Variants in HDX observed in about 807,000 individuals in gnomAD.
HDX encodes the protein highly divergent homeobox, also known as chromosome X open reading frame 43.
A neutral mutation model predicts 45.2 loss-of-function variants in HDX; 19 were observed. That is an observed-to-expected ratio of 0.42 (90% CI 0.29 to 0.62). The LOEUF is 0.62. Ranked by LOEUF, HDX falls within the 20% of genes least tolerant of loss-of-function variation. The pLI is 0.20. For synonymous variants in HDX, 188 were observed against 172.8 expected (o/e 1.09, Z -0.69); for missense variants, 532 against 493.9 (o/e 1.08, Z -0.73).
intron 10 of HDX, among the ~76,000 whole-genome samples, chrX:84,323,785 G>A (rs924211005): frequency 7.1e-5 from 8 of 112,056 alleles, no homozygotes; most frequent in African/African-American, 2.3e-4. Flanking sequence ...AGATACTAAC[G>A]TGAATACGAT....
At chrX:84,344,581 G>A in intron 6 of HDX, 124 bp from the exon 7 acceptor site, 2 of 417,946 alleles carry the variant, frequency 4.8e-6, no homozygotes, top group East Asian at 4.0e-5. Context: ...TACACAGAAA[G>A]GTAAAAACTT....
At chrX:84,366,312 CACT>C (rs1268152850) in intron 5 of HDX, among the ~76,000 whole-genome samples, 1 of 111,360 alleles carries the variant, frequency 9.0e-6, no homozygotes, top group Non-Finnish European at 1.9e-5. Flanking sequence ...AACTACAAAC[CACT>C]GCTCAAGGAA....
chrX:84,449,011 A>G (rs1439754584), intron 4 of HDX, among the ~76,000 whole-genome samples: 1 of 108,496 alleles, frequency 9.2e-6, no homozygotes, highest in African/African-American at 3.3e-5. Flanking sequence ...AAATTCATGG[A>G]ATCAAATAAA....
intron 5 of HDX, among the ~76,000 whole-genome samples, chrX:84,378,644 TACA>T (rs1401229047): frequency 9.0e-6 from 1 of 110,830 alleles, no homozygotes; most frequent in Non-Finnish European, 1.9e-5. Context: ...CAGAAAAGCA[TACA>T]ACAGATACAC....
chrX:84,440,925 T>G (rs2039748224), intron 4 of HDX, among the ~76,000 whole-genome samples: 1 of 110,844 alleles, frequency 9.0e-6, no homozygotes, highest in Non-Finnish European at 1.9e-5. Context: ...AGTGAAGAAG[T>G]TACAAGAAGT....
At chrX:84,477,409 C>T (rs2040578343) in intron 2 of HDX, among the ~76,000 whole-genome samples, 1 of 111,937 alleles carries the variant, frequency 8.9e-6, no homozygotes, top group African/African-American at 3.3e-5. Flanking sequence ...TATCAACCTA[C>T]AAAACACACC....
At chrX:84,336,723 T>G in intron 8 of HDX, 78 bp downstream of exon 8, 46 of 667,900 alleles carry the variant, frequency 6.9e-5, no homozygotes, top group Non-Finnish European at 9.9e-5. Flanking sequence ...ATTCTGAAAA[T>G]GAGAATATTT....
At chrX:84,475,945 G>A (rs1251848387) in intron 2 of HDX, among the ~76,000 whole-genome samples, 2 of 111,791 alleles carry the variant, frequency 1.8e-5, no homozygotes, top group Admixed American at 1.9e-4. Context: ...AAGGTTTAGT[G>A]ACTGTGAACA....
intron 5 of HDX, among the ~76,000 whole-genome samples, chrX:84,402,038 A>G (rs1050330553): frequency 1.8e-5 from 2 of 111,068 alleles, no homozygotes; most frequent in African/African-American, 3.3e-5. Context: ...CACTGGGGCC[A>G]GTCGGAGGGT....
chrX:84,364,645 G>A (rs1281068942), intron 5 of HDX, among the ~76,000 whole-genome samples: 1 of 107,683 alleles, frequency 9.3e-6, no homozygotes, highest in Non-Finnish European at 1.9e-5. Context: ...CAGGACTACA[G>A]GCGCCCGCCT....
At chrX:84,361,093 T>C (rs191917193) in intron 6 of HDX, among the ~76,000 whole-genome samples, 1 of 112,063 alleles carries the variant, frequency 8.9e-6, no homozygotes, top group African/African-American at 3.2e-5. Context: ...ATACCTTTTA[T>C]GTTAATATTG....
intron 5 of HDX, among the ~76,000 whole-genome samples, chrX:84,375,441 C>G (rs2038026841): frequency 9.0e-6 from 1 of 111,591 alleles, no homozygotes; most frequent in African/African-American, 3.3e-5. Flanking sequence ...AAGACACATG[C>G]ACATGTATGT....
chrX:84,489,406 T>C (rs2040853231), intron 1 of HDX, among the ~76,000 whole-genome samples: 1 of 111,828 alleles, frequency 8.9e-6, no homozygotes, highest in South Asian at 3.7e-4. Context: ...GATGAAATAT[T>C]AAATTATTCT....
intron 10 of HDX, 108 bp downstream of exon 10, chrX:84,326,070 G>T: frequency 1.3e-6 from 1 of 743,061 alleles, no homozygotes; most frequent in Non-Finnish European, 2.0e-6. Flanking sequence ...TTTCCTCCAT[G>T]CCAAGCAGAA....
chrX:84,474,089 G>C (rs1355272737), intron 3 of HDX, among the ~76,000 whole-genome samples: 1 of 111,458 alleles, frequency 9.0e-6, no homozygotes, highest in Non-Finnish European at 1.9e-5. Flanking sequence ...TCAGGAGTTC[G>C]AGACCAACCT....
chrX:84,368,953 A>C (rs2037828939), intron 5 of HDX, among the ~76,000 whole-genome samples: 1 of 110,823 alleles, frequency 9.0e-6, no homozygotes, highest in Non-Finnish European at 1.9e-5. Flanking sequence ...GAGTGCCGCC[A>C]CTGATCTGTC....
rs969926270 is a variant in HDX at position 84,469,268 on chromosome X, T to C, written c.455A>G (p.His152Arg). 8.3e-7 allele frequency: 1 copy of C among 1,209,850 alleles called. No homozygotes were observed. The highest frequency in any genetic ancestry group is 1.1e-6 in the Non-Finnish European group (1 of 893,558). The change falls in exon 4 of 11, where the codon CAC becomes CGC. Residue 152 changes from histidine to arginine, a missense_variant. His to Arg is a conservative substitution (Grantham distance 29). Around this residue, in one of 3 missense-constraint regions of HDX, gnomAD observed 376 missense variants for 343.7 expected, o/e 1.09. Transcript: ENST00000373177. ...TGCTACTTGTCTTTGGACAGGAATGTGTAACTGAAACTCAGTATCATTTTT... is the reference window on the plus strand; with the variant it reads ...TGCTACTTGTCTTTGGACAGGAATGCGTAACTGAAACTCAGTATCATTTTT... ...ATKNDTEFQL[H>R]IPVQRQVAHC...
At chrX:84,369,119 T>A (rs1325916117) in intron 5 of HDX, among the ~76,000 whole-genome samples, 1 of 111,378 alleles carries the variant, frequency 9.0e-6, no homozygotes, top group Admixed American at 9.6e-5. Flanking sequence ...CTATTAAACC[T>A]TCCTTAGCTT....
intron 5 of HDX, among the ~76,000 whole-genome samples, chrX:84,415,181 C>T (rs975143898): frequency 5.4e-5 from 6 of 111,826 alleles, no homozygotes; most frequent in Non-Finnish European, 9.4e-5. Context: ...TTTTCTGAGT[C>T]CCAAACACAC....
Sources: allele counts gnomAD v4.1 joint callset (sites outside exome capture counted in the v4.1 genomes callset), GRCh38; gene constraint gnomAD v4.1.1; regional missense constraint gnomAD v4.1.1; transcripts MANE v1.5; gene names NCBI Gene and HGNC (gene_info 2026-07-23, HGNC 2026-07-21).